CYP19A1: variants seen among roughly 807,000 people sequenced by gnomAD.
The protein encoded by CYP19A1 is aromatase.
Under a neutral mutation model 44.4 loss-of-function variants are expected in CYP19A1, and 32 were observed. The ratio of observed to expected loss-of-function variants is 0.72; its 90% CI spans 0.54 to 0.97. The LOEUF (loss-of-function observed/expected upper bound fraction) is 0.97. Among genes scored for constraint, CYP19A1 ranks in the 50% least tolerant of loss-of-function variants. The pLI, the probability that CYP19A1 is intolerant of heterozygous loss-of-function variation, is 0.00. For synonymous variants in CYP19A1, 212 were observed against 215.6 expected, an observed-to-expected ratio of 0.98 and a Z score of 0.14; for missense variants, 598 against 637.8, an observed-to-expected ratio of 0.94 and a Z score of 0.67.
At chr15:51,251,407 G>A (rs550200741) in intron 1 of CYP19A1, among the ~76,000 whole-genome samples, 7 of 152,188 alleles carry the variant, frequency 4.6e-5, no homozygotes, top group South Asian at 2.1e-4. Flanking sequence ...TTCCTTCTGC[G>A]CATCTACCTG....
At chr15:51,305,616 A>G (rs908801956) in intron 1 of CYP19A1, among the ~76,000 whole-genome samples, 1 of 152,074 alleles carries the variant, frequency 6.6e-6, no homozygotes, top group Non-Finnish European at 1.5e-5. Context: ...GATGGAGTGC[A>G]ATGGTGCAAT....
intron 1 of CYP19A1, among the ~76,000 whole-genome samples, chr15:51,299,337 T>A (rs2036065255): frequency 6.6e-6 from 1 of 152,246 alleles, no homozygotes; most frequent in African/African-American, 2.4e-5. Flanking sequence ...AAGTCAGACA[T>A]GCTGCTGACC....
chr15:51,304,777 T>G (rs1283097988), intron 1 of CYP19A1, among the ~76,000 whole-genome samples: 1 of 152,130 alleles, frequency 6.6e-6, no homozygotes, highest in East Asian at 1.9e-4. Context: ...ATTCAAGGTT[T>G]TTAATTTATT....
At chr15:51,211,710 G>A in intron 9 of CYP19A1, 1 of 437,796 alleles carries the variant, frequency 2.3e-6, no homozygotes, top group Non-Finnish European at 4.6e-6. Flanking sequence ...GGCACTTAGG[G>A]AACTGCGTAC....
At chr15:51,262,095 C>T (rs1443669754) in intron 1 of CYP19A1, among the ~76,000 whole-genome samples, 2 of 152,176 alleles carry the variant, frequency 1.3e-5, no homozygotes, top group Non-Finnish European at 1.5e-5. Flanking sequence ...GCAAGGAACA[C>T]CTGGCCCACC....
intron 1 of CYP19A1, among the ~76,000 whole-genome samples, chr15:51,328,560 G>A (rs1420030755): frequency 6.6e-6 from 1 of 151,210 alleles, no homozygotes; most frequent in African/African-American, 2.4e-5. Context: ...GTGTGTGTGT[G>A]TGTGTGTGTG....
At chr15:51,212,092 C>G (rs1311741437) in intron 9 of CYP19A1, among the ~76,000 whole-genome samples, 1 of 152,114 alleles carries the variant, frequency 6.6e-6, no homozygotes, top group Non-Finnish European at 1.5e-5. Context: ...TATTTTGTGG[C>G]CACCATGTAG....
intron 1 of CYP19A1, among the ~76,000 whole-genome samples, chr15:51,307,869 T>G (rs1173722086): frequency 6.6e-6 from 1 of 152,236 alleles, no homozygotes; most frequent in Non-Finnish European, 1.5e-5. Flanking sequence ...TAGAGATCAC[T>G]GAAGTGAAGG....
chr15:51,310,571 A>T (rs530654039), intron 1 of CYP19A1, among the ~76,000 whole-genome samples: 2 of 152,340 alleles, frequency 1.3e-5, no homozygotes, highest in South Asian at 4.1e-4. Context: ...CAGCTTGAGC[A>T]CTAAAATCTC....
At chr15:51,259,186 C>A (rs540396996) in intron 1 of CYP19A1, among the ~76,000 whole-genome samples, 2 of 152,306 alleles carry the variant, frequency 1.3e-5, no homozygotes, top group East Asian at 3.9e-4. Context: ...AGAGTTGGGA[C>A]TTACTGTGAT....
At chr15:51,303,965 AGAG>A (rs537206073) in intron 1 of CYP19A1, among the ~76,000 whole-genome samples, 72 of 152,172 alleles carry the variant, frequency 4.7e-4, no homozygotes, top group Non-Finnish European at 8.5e-4. Flanking sequence ...TCAAATGCAG[AGAG>A]GAGGGCAGTA....
intron 2 of CYP19A1, among the ~76,000 whole-genome samples, chr15:51,241,115 T>G (rs935822676): frequency 6.6e-6 from 1 of 152,216 alleles, no homozygotes; most frequent in Non-Finnish European, 1.5e-5. Context: ...ATCAGCATGA[T>G]GGCCCTGGCC....
chr15:51,336,590 C>G (rs1474375289), intron 1 of CYP19A1, among the ~76,000 whole-genome samples: 1 of 152,142 alleles, frequency 6.6e-6, no homozygotes, highest in Non-Finnish European at 1.5e-5. Flanking sequence ...CAAGAATACC[C>G]AAGTGCCAGG....
chr15:51,291,030 A>AC (rs1231219864), intron 1 of CYP19A1, among the ~76,000 whole-genome samples: 1 of 152,176 alleles, frequency 6.6e-6, no homozygotes, highest in Non-Finnish European at 1.5e-5. Context: ...TACCCTGGTT[A>AC]CCCCATCCCA....
chr15:51,304,397 T>C (rs1217987362), intron 1 of CYP19A1, among the ~76,000 whole-genome samples: 1 of 152,196 alleles, frequency 6.6e-6, no homozygotes, highest in Non-Finnish European at 1.5e-5. Context: ...CTTGTGCTTC[T>C]CCCTACAGTG....
At position 51,242,759 on chromosome 15, in the gene CYP19A1, C is replaced by G. The variant is rs1455214057; in HGVS notation, c.145+9G>C. 6.6e-7 allele frequency: 1 copy of G among 1,513,068 alleles called. No homozygotes were observed. The allele number at this position is 1,513,068 out of a possible 1,614,324, so 93.7% of individuals were successfully genotyped here. On this transcript the variant is annotated intron_variant, in intron 2 of 9. Coordinates refer to ENST00000396402, the MANE Select transcript of CYP19A1 (RefSeq NM_000103.4). ...TCTCCTTAGATACAGAAATAAATGA[C>G]TGACTTACCTGGTATTGAGGATGTG...
At chr15:51,278,847 T>C (rs1412315443) in intron 1 of CYP19A1, 1 of 152,228 alleles carries the variant, frequency 6.6e-6, no homozygotes, top group East Asian at 1.9e-4. Flanking sequence ...CTGGTGACAC[T>C]GCCCCTTGAG....
intron 1 of CYP19A1, among the ~76,000 whole-genome samples, chr15:51,303,655 T>C (rs879329084): frequency 4.0e-5 from 6 of 151,778 alleles, no homozygotes; most frequent in Non-Finnish European, 8.8e-5. Flanking sequence ...TACAAGGAAG[T>C]GAAAACCAGC....
At chr15:51,330,535 C>T (rs957180819) in intron 1 of CYP19A1, among the ~76,000 whole-genome samples, 1 of 152,128 alleles carries the variant, frequency 6.6e-6, no homozygotes, top group African/African-American at 2.4e-5. Context: ...GGTACTTGGC[C>T]CTTTGAGTCT....
Sources: allele counts gnomAD v4.1 joint callset (sites outside exome capture counted in the v4.1 genomes callset), GRCh38; gene constraint gnomAD v4.1.1; transcripts MANE v1.5; gene names NCBI Gene and HGNC (gene_info 2026-07-23, HGNC 2026-07-21).